The following SKIC2 variants were observed in gnomAD, a reference collection of about 807,000 sequenced individuals.
SKIC2 encodes the protein superkiller complex protein 2.
At chr6:31,969,347 A>T in the SKIC2 span, 14 of 1,614,082 alleles carry the variant, frequency 8.7e-6, no homozygotes, top group Admixed American at 1.5e-4. This position sits in a 1 kb window ranked among gnomAD's most constrained non-coding sequence, Gnocchi z 6.1. Flanking sequence ...GGCCTGAACC[A>T]GACGGTGGAG....
At chr6:31,962,137 C>T in the SKIC2 span, 1 of 1,401,070 alleles carries the variant, frequency 7.1e-7, no homozygotes, top group African/African-American at 1.4e-5. This position sits in a 1 kb window ranked among gnomAD's most constrained non-coding sequence, Gnocchi z 5.0. Context: ...TCTCTTCCCC[C>T]ACCTCTCTAG....
At chr6:31,968,620 C>T in the SKIC2 span, 1 of 1,552,232 alleles carries the variant, frequency 6.4e-7, no homozygotes, top group South Asian at 1.1e-5. The surrounding 1 kb of genome is among the most constrained non-coding windows in gnomAD (Gnocchi z 6.1). Context: ...GCCCCCATCT[C>T]AGCCCTTGTC....
the SKIC2 span, chr6:31,967,572 G>T: frequency 1.1e-6 from 1 of 950,106 alleles, no homozygotes; most frequent in South Asian, 1.5e-5. The surrounding 1 kb of genome is among the most constrained non-coding windows in gnomAD (Gnocchi z 4.9). Flanking sequence ...AGTCTGCTCT[G>T]ATCGCTTGAC....
chr6:31,963,235 G>A, the SKIC2 span: 1 of 808,362 alleles, frequency 1.2e-6, no homozygotes. This position sits in a 1 kb window ranked among gnomAD's most constrained non-coding sequence, Gnocchi z 5.3. Flanking sequence ...GTGGCTGTGG[G>A]ATCCCCTTTG....
the SKIC2 span, chr6:31,962,509 G>T: frequency 1.2e-6 from 2 of 1,614,096 alleles, no homozygotes; most frequent in Non-Finnish European, 1.7e-6. This position sits in a 1 kb window ranked among gnomAD's most constrained non-coding sequence, Gnocchi z 5.0. Flanking sequence ...CACATTCGGG[G>T]ATGTGGGGCT....
the SKIC2 span, chr6:31,960,278 C>G: frequency 6.2e-7 from 1 of 1,613,292 alleles, no homozygotes; most frequent in African/African-American, 1.3e-5. Context: ...AGCCCCAGTC[C>G]CATCCGACCT....
the SKIC2 span, chr6:31,962,464 G>A: frequency 6.2e-7 from 1 of 1,614,108 alleles, no homozygotes; most frequent in Non-Finnish European, 8.5e-7. The surrounding 1 kb of genome is among the most constrained non-coding windows in gnomAD (Gnocchi z 5.0). Flanking sequence ...GCCCATCAAG[G>A]CCCTGAGCAA....
At chr6:31,969,220 C>T in the SKIC2 span, 5 of 1,596,160 alleles carry the variant, frequency 3.1e-6, no homozygotes, top group Non-Finnish European at 3.4e-6. This position sits in a 1 kb window ranked among gnomAD's most constrained non-coding sequence, Gnocchi z 6.1. Flanking sequence ...CCTTCTTGAT[C>T]TGGTCCTTCC....
At chr6:31,969,544 G>A in the SKIC2 span, 3 of 1,613,684 alleles carry the variant, frequency 1.9e-6, no homozygotes, top group Non-Finnish European at 2.5e-6. This position sits in a 1 kb window ranked among gnomAD's most constrained non-coding sequence, Gnocchi z 6.1. Context: ...GGCTCTCAGG[G>A]ACCCCTGAGG....
the SKIC2 span, chr6:31,964,417 C>T: frequency 8.6e-7 from 1 of 1,157,322 alleles, no homozygotes; most frequent in South Asian, 1.3e-5. The surrounding 1 kb of genome is among the most constrained non-coding windows in gnomAD (Gnocchi z 5.0). Context: ...GGCAGAGGGG[C>T]AGAGGTTTAG....
the SKIC2 span, chr6:31,968,811 G>A: frequency 1.2e-6 from 2 of 1,610,476 alleles, no homozygotes; most frequent in Non-Finnish European, 1.7e-6. This position sits in a 1 kb window ranked among gnomAD's most constrained non-coding sequence, Gnocchi z 6.1. Context: ...GTGGGGCAGT[G>A]GTTGGGGCAG....
At chr6:31,960,670 GA>G in the SKIC2 span, 1 of 1,588,512 alleles carries the variant, frequency 6.3e-7, no homozygotes, top group African/African-American at 1.4e-5. Context: ...TCCCAGGGGG[GA>G]TGGATGAACC....
chr6:31,966,578 A>G, the SKIC2 span: 3 of 837,762 alleles, frequency 3.6e-6, no homozygotes, highest in Non-Finnish European at 5.7e-6. This position sits in a 1 kb window ranked among gnomAD's most constrained non-coding sequence, Gnocchi z 5.9. Context: ...GAGGTGAGCA[A>G]GTGGTTTGTC....
the SKIC2 span, chr6:31,961,399 G>A: frequency 6.5e-7 from 1 of 1,537,754 alleles, no homozygotes; most frequent in Non-Finnish European, 8.7e-7. Flanking sequence ...TGGTGGTTCT[G>A]TGTAGTGGAG....
the SKIC2 span, chr6:31,963,484 T>C: frequency 6.2e-7 from 1 of 1,612,244 alleles, no homozygotes; most frequent in Non-Finnish European, 8.5e-7. This position sits in a 1 kb window ranked among gnomAD's most constrained non-coding sequence, Gnocchi z 5.3. Flanking sequence ...CACTATCTTT[T>C]CACAGGGAAC....
chr6:31,960,597 G>A, the SKIC2 span: 2 of 1,579,248 alleles, frequency 1.3e-6, no homozygotes, highest in East Asian at 4.5e-5. Flanking sequence ...TAATCTCCAG[G>A]GAAGGGTTCC....
chr6:31,964,204 C>G, the SKIC2 span: 1 of 1,610,510 alleles, frequency 6.2e-7, no homozygotes. This position sits in a 1 kb window ranked among gnomAD's most constrained non-coding sequence, Gnocchi z 5.0. Context: ...AGACTCCATC[C>G]CTGACCATGG....
the SKIC2 span, chr6:31,959,586 G>T: frequency 6.1e-5 from 35 of 574,800 alleles, no homozygotes; most frequent in Non-Finnish European, 1.0e-4. Flanking sequence ...GAGCAGAAAG[G>T]GCTGGGGATA....
At chr6:31,961,467 A>T in the SKIC2 span, 1 of 1,533,906 alleles carries the variant, frequency 6.5e-7, no homozygotes, top group Non-Finnish European at 8.8e-7. Flanking sequence ...TGAGGGGAAG[A>T]AAGGGACATC....
Sources: gnomAD v4.1 joint callset for allele counts on GRCh38, gnomAD v4.1.1 for gene constraint, Gnocchi (gnomAD v3.1) non-coding constraint, MANE v1.5 for transcripts, NCBI Gene and HGNC (gene_info 2026-07-23, HGNC 2026-07-21) for gene names.